SLC19A1: variants seen among roughly 807,000 people sequenced by gnomAD.
The protein encoded by SLC19A1 is reduced folate transporter.
In SLC19A1, 37 loss-of-function variants were observed where a neutral mutation model predicts 35.3. The observed-to-expected ratio is 1.05, with a 90% CI of 0.81 to 1.38. The LOEUF is 1.38. Ranked by LOEUF, SLC19A1 falls within the 40% of genes most tolerant of loss-of-function variation. The pLI is 0.00. For synonymous variants in SLC19A1, 460 were observed against 398.5 expected (o/e 1.15, Z -1.84); for missense variants, 831 against 826.9 (o/e 1.00, Z -0.06).
chr21:45,547,131 C>T (rs555067644), upstream of SLC19A1, among the ~76,000 whole-genome samples: 38 of 152,128 alleles, frequency 2.5e-4, 1 homozygote, highest in Admixed American at 5.9e-4. Flanking sequence ...GTATTTACAA[C>T]GCCAATGAAA....
intron 5 of SLC19A1, among the ~76,000 whole-genome samples, chr21:45,519,097 G>A (rs889857820): frequency 3.2e-5 from 4 of 123,920 alleles, no homozygotes; most frequent in Admixed American, 1.5e-4. Context: ...GTAAGCGGGA[G>A]ATGACAGTGA....
chr21:45,512,747 G>A lies in SLC19A1; in HGVS notation c.*2911C>T, dbSNP rs2037685853. On this transcript the variant is annotated 3_prime_UTR_variant, in exon 6 of 6. Coordinates refer to ENST00000311124, the MANE Select transcript of SLC19A1 (RefSeq NM_194255.4). Reference sequence around the variant, plus strand: ...TTTCCTGCTTTGGGAAGCCGTGCTCGCCCCAGCAGGTGCTGACTTCATCTC... The same window carrying A: ...TTTCCTGCTTTGGGAAGCCGTGCTCACCCCAGCAGGTGCTGACTTCATCTC... 1.6e-5 allele frequency: 6 copies of A among 381,294 alleles called. No individual in the cohort carries two copies. Among genetic ancestry groups the A allele is most frequent in the South Asian group, 4.6e-5 (2 of 43,532 alleles). The allele number at this position is 381,294 out of a possible 1,614,324, so 23.6% of individuals were successfully genotyped here.
rs770241411 is a variant in SLC19A1 at position 45,517,090 on chromosome 21, C to T, written c.1294-950G>A. Among the ~76,000 whole-genome samples, 12 of 152,198 alleles carry T rather than the reference C, an allele frequency of 7.9e-5. No individual in the cohort carries two copies. Among genetic ancestry groups the T allele is most frequent in the Non-Finnish European group, 1.3e-4 (9 of 67,990 alleles). Reference sequence around the variant, plus strand: ...CACAAGGGCAGACTGGCCGGGCCCTCGGGGTCTGGGGAGCTGTGCCACGCA... The same window carrying T: ...CACAAGGGCAGACTGGCCGGGCCCTTGGGGTCTGGGGAGCTGTGCCACGCA... On this transcript the variant is annotated intron_variant, in intron 5 of 5. Transcript: ENST00000311124. This position sits in a 1 kb window ranked among gnomAD's most constrained non-coding sequence, Gnocchi z 4.4.
chr21:45,506,268 TAAGAC>T (rs1352188006), intron 3 of SLC19A1: 4 of 415,382 alleles, frequency 9.6e-6, no homozygotes, highest in Admixed American at 7.1e-5. Flanking sequence ...CACCCGATAA[TAAGAC>T]AAGGCGCCTG....
chr21:45,538,596 G>A lies in SLC19A1; in HGVS notation c.-49-588C>T, dbSNP rs150531604. Among the ~76,000 whole-genome samples, 181 of 152,316 alleles carry A rather than the reference G, an allele frequency of 1.2e-3. 1 individual carries two copies. In the South Asian group the frequency reaches 0.02, roughly 17 times the overall value. ...CAGCCGCGTGCCCTGGCAGGAGGGCGTGCAGGCCAAGCCCACAGTGAGGGA... is the reference window on the plus strand; with the variant it reads ...CAGCCGCGTGCCCTGGCAGGAGGGCATGCAGGCCAAGCCCACAGTGAGGGA... On this transcript the variant is annotated intron_variant, in intron 1 of 5. Coordinates refer to ENST00000311124, the MANE Select transcript of SLC19A1 (RefSeq NM_194255.4).
rs1440609061 is a variant in SLC19A1 at position 45,530,725 on chromosome 21, C to T, written c.1151+45G>A. 3 of 1,536,416 alleles carry T rather than the reference C, an allele frequency of 2.0e-6. No homozygotes were observed. The highest frequency in any genetic ancestry group is 2.6e-6 in the Non-Finnish European group (3 of 1,137,282). On this transcript the variant is annotated intron_variant, in intron 4 of 5. Transcript: ENST00000311124. The surrounding 1 kb of genome is among the most constrained non-coding windows in gnomAD (Gnocchi z 5.3). ...CACCCAGCGAAGCGCGGGGCTTGAT[C>T]CTGGCGCCTGCCCGCCCCCGGCTTC... is the stretch of plus-strand genomic sequence containing the variant.
At chr21:45,511,023 ACCCCACATCCACACACCC>A (rs2037567195), downstream of SLC19A1, 2 of 242,408 alleles carry the variant, frequency 8.3e-6, no homozygotes, top group Non-Finnish European at 8.4e-6. Context: ...ACACATCCAC[ACCCCACATCCACACACCC>A]CCCCACAAAC....
chr21:45,556,698 G>A (rs1407693880), intron 1 of SLC19A1, among the ~76,000 whole-genome samples: 1 of 152,222 alleles, frequency 6.6e-6, no homozygotes, highest in African/African-American at 2.4e-5. Context: ...CCACAGACAG[G>A]ACAGAACAGG....
At chr21:45,512,183 T>A (rs1272197287), downstream of SLC19A1, 2 of 1,611,230 alleles carry the variant, frequency 1.2e-6, no homozygotes, top group Non-Finnish European at 1.7e-6. Context: ...CGGCGCGTCT[T>A]ACAGGCCCCA....
At chr21:45,508,253 T>A (rs1163794751), downstream of SLC19A1, among the ~76,000 whole-genome samples, 1 of 130,634 alleles carries the variant, frequency 7.7e-6, no homozygotes, top group Non-Finnish European at 1.6e-5. Context: ...GAGTGGATGG[T>A]GGACAGGTGG....
At chr21:45,510,124 G>A (rs1188297731), downstream of SLC19A1, 5 of 1,599,520 alleles carry the variant, frequency 3.1e-6, no homozygotes, top group Admixed American at 1.7e-5. Context: ...CCGCGGGGCC[G>A]ACTTCCAGTG....
Position 45,533,015 on chromosome 21 carries a change from A to C in SLC19A1, c.190-867T>G, listed in dbSNP as rs1380264197. Among the ~76,000 whole-genome samples the C allele has an allele frequency of 6.6e-6, 1 of 152,004 alleles. No individual in the cohort carries two copies. Among genetic ancestry groups the C allele is most frequent in the Non-Finnish European group, 1.5e-5 (1 of 67,990 alleles). ...TAGGGCAGAGGGCCCTGGGCTGTGC[A>C]CTCCCATCTCACACTTGTCCCCAGA... On this transcript the variant is annotated intron_variant, in intron 2 of 5. Transcript: ENST00000311124. This position sits in a 1 kb window ranked among gnomAD's most constrained non-coding sequence, Gnocchi z 4.5.
intron 3 of SLC19A1, chr21:45,505,999 T>A: frequency 1.9e-6 from 3 of 1,612,426 alleles, no homozygotes; most frequent in Non-Finnish European, 2.5e-6. Flanking sequence ...TCTGGACCCG[T>A]GGAAGGGCCG....
chr21:45,547,965 T>G (rs1027499082), upstream of SLC19A1, among the ~76,000 whole-genome samples: 1 of 152,266 alleles, frequency 6.6e-6, no homozygotes, highest in Non-Finnish European at 1.5e-5. Flanking sequence ...CACAGGCTTA[T>G]TTCTTAGAAA....
rs2037915048 is a variant in SLC19A1, at chr21:45,516,040, CG to C, written c.1393del (p.Arg465GlyfsTer8). On this transcript the variant is annotated frameshift_variant, in exon 6 of 6. Transcript: ENST00000311124. LOFTEE classifies it low-confidence loss of function (END_TRUNC). ...CCTCAGGCCCTGGGCCGGGGGCTGCCGCGGGTGGTGGCCCCGCTGGCAGTGC... is the reference window on the plus strand; with the variant it reads ...CCTCAGGCCCTGGGCCGGGGGCTGCCCGGGTGGTGGCCCCGCTGGCAGTGC... ...LRHCQRGHHPRQPPAQGLRSA... is the reference protein window; with the variant it reads ...LRHCQRGHHPXQPPAQGLRSA... 1.3e-6 allele frequency: 2 copies of C among 1,581,674 alleles called. No individual in the cohort carries two copies. The highest frequency in any genetic ancestry group is 2.7e-5 in the African/African-American group (2 of 74,680).
At chr21:45,507,510 C>G in intron 3 of SLC19A1, 1 of 1,585,426 alleles carries the variant, frequency 6.3e-7, no homozygotes, top group Non-Finnish European at 8.6e-7. Flanking sequence ...GGAGGGCACC[C>G]TGGCTCAGGC....
chr21:45,503,655 A>AG (rs2036992346), intron 3 of SLC19A1, among the ~76,000 whole-genome samples: 1 of 81,630 alleles, frequency 1.2e-5, no homozygotes, highest in African/African-American at 4.9e-5. Flanking sequence ...GGGAGGGGGG[A>AG]GGGATAGCAT....
upstream of SLC19A1, among the ~76,000 whole-genome samples, chr21:45,544,906 C>T (rs935578656): frequency 2.0e-5 from 3 of 152,222 alleles, no homozygotes; most frequent in Admixed American, 6.5e-5. Context: ...CCACTGCCTT[C>T]TGAGACCAAC....
At chr21:45,503,731 A>G (rs2146065449) in intron 3 of SLC19A1, among the ~76,000 whole-genome samples, 1 of 152,104 alleles carries the variant, frequency 6.6e-6, no homozygotes, top group African/African-American at 2.4e-5. Context: ...GCACATGTAT[A>G]CATATGTAAC....
Sources: gnomAD v4.1 joint callset for allele counts (sites outside exome capture counted in the v4.1 genomes callset) on GRCh38, gnomAD v4.1.1 for gene constraint, Gnocchi (gnomAD v3.1) non-coding constraint, MANE v1.5 for transcripts, NCBI Gene and HGNC (gene_info 2026-07-23, HGNC 2026-07-21) for gene names.